The following CATSPERD variants were observed in gnomAD, a reference collection of about 807,000 sequenced individuals.
CATSPERD encodes the protein cation channel sperm-associated auxiliary subunit delta.
Under a neutral mutation model 98.1 loss-of-function variants are expected in CATSPERD, and 86 were observed. That is an observed-to-expected ratio of 0.88 (90% CI 0.74 to 1.05). The LOEUF (loss-of-function observed/expected upper bound fraction) is 1.05. Ranked by LOEUF, CATSPERD falls within the 50% of genes least tolerant of loss-of-function variation. The pLI is 0.00. For missense variants in CATSPERD, 995 were observed against 1,005.7 expected (o/e 0.99, Z 0.14); for synonymous variants, 394 against 390.2 (o/e 1.01, Z -0.12).
At position 5,727,174 on chromosome 19, in the gene CATSPERD, A is replaced by G; in HGVS notation, c.127-94A>G. ...TGTGCAACTGCACTCCAGCCTGGGC[A>G]ACAGAGCGAGACTCTTGTCTCAAAA... On this transcript the variant is annotated intron_variant, in intron 2 of 21. Transcript: ENST00000381624. The G allele has an allele frequency of 1.5e-5, 14 of 920,684 alleles. No individual in the cohort carries two copies. In the South Asian group the frequency reaches 2.0e-4, roughly 13 times the overall value. The allele number at this position is 920,684 out of a possible 1,614,324, so 57.0% of individuals were successfully genotyped here. A position where few individuals can be genotyped will look rare whatever the true frequency, so the allele number is the denominator to read the frequency against.
intron 17 of CATSPERD, among the ~76,000 whole-genome samples, chr19:5,766,590 T>A (rs1025670588): frequency 1.3e-5 from 2 of 152,110 alleles, no homozygotes; most frequent in African/African-American, 4.8e-5. Context: ...TTTAGTTTTG[T>A]ATATATTTAC....
intron 20 of CATSPERD, 45 bp downstream of exon 20, chr19:5,773,010 C>G (rs2056679240): frequency 6.3e-7 from 1 of 1,593,118 alleles, no homozygotes. Flanking sequence ...AGCAGCCCAC[C>G]AGGGGGTGGG....
chr19:5,723,816 G>C (rs1568337091), intron 1 of CATSPERD, among the ~76,000 whole-genome samples: 1 of 147,802 alleles, frequency 6.8e-6, no homozygotes, highest in Non-Finnish European at 1.5e-5. Flanking sequence ...CACTCTTGTT[G>C]CCCGGGCTGG....
chr19:5,764,905 G>T (rs1282334586), intron 16 of CATSPERD, among the ~76,000 whole-genome samples: 1 of 152,050 alleles, frequency 6.6e-6, no homozygotes, highest in Non-Finnish European at 1.5e-5. Context: ...GTGAGCCACA[G>T]CACCTGGCTG....
At chr19:5,731,662 G>A (rs1247066955) in intron 4 of CATSPERD, among the ~76,000 whole-genome samples, 1 of 124,218 alleles carries the variant, frequency 8.1e-6, no homozygotes, top group Non-Finnish European at 1.6e-5. Context: ...TGCAAGCTCC[G>A]CTTCCCGGGT....
intron 4 of CATSPERD, among the ~76,000 whole-genome samples, chr19:5,731,940 G>T (rs1023205496): frequency 2.6e-5 from 4 of 151,626 alleles, no homozygotes; most frequent in African/African-American, 9.7e-5. Context: ...AGAAGGTTTT[G>T]TTTTGTTTTG....
At position 5,754,562 on chromosome 19, in the gene CATSPERD, C is replaced by A. The variant is rs557066192; in HGVS notation, c.1278+317C>A. Among the ~76,000 whole-genome samples, 29 of 151,936 alleles carry A rather than the reference C, an allele frequency of 1.9e-4. No individual in the cohort carries two copies. The South Asian group carries it at 5.4e-3, about 28-fold the overall frequency. ...TACCAGCATGTGCCACCACGCCTGGCTAATTTTGTATTTTTAGTGGAGACG... is the reference window on the plus strand; with the variant it reads ...TACCAGCATGTGCCACCACGCCTGGATAATTTTGTATTTTTAGTGGAGACG... On this transcript the variant is annotated intron_variant, in intron 13 of 21. Transcript: ENST00000381624.
intron 20 of CATSPERD, among the ~76,000 whole-genome samples, chr19:5,775,523 C>A (rs140505397): frequency 6.6e-6 from 1 of 150,574 alleles, no homozygotes; most frequent in South Asian, 2.1e-4. Context: ...GTGGCGGGCA[C>A]CTGTAGTCCC....
Position 5,729,764 on chromosome 19 carries a change from T to C in CATSPERD, c.204-108T>C, listed in dbSNP as rs978372984. 4.6e-6 allele frequency: 3 copies of C among 647,032 alleles called. No individual in the cohort carries two copies. In the African/African-American group the frequency reaches 5.5e-5, roughly 12 times the overall value. The allele number at this position is 647,032 out of a possible 1,614,324, so 40.1% of individuals were successfully genotyped here. The stretch of plus-strand genomic sequence containing the variant: ...AAATTATATCTAAATGACTCCTGGT[T>C]ACAATACAAATTTTGTTTGAATGGA... On this transcript the variant is annotated intron_variant, in intron 3 of 21. Coordinates refer to ENST00000381624, the MANE Select transcript of CATSPERD (RefSeq NM_152784.4).
chr19:5,775,280 C>T (rs1423844178), intron 20 of CATSPERD: 1 of 471,270 alleles, frequency 2.1e-6, no homozygotes, highest in Admixed American at 2.4e-5. Flanking sequence ...AAGAGAGCTC[C>T]CCGCTTCTAG....
intron 19 of CATSPERD, 72 bp downstream of exon 19, chr19:5,771,144 A>C: frequency 6.6e-7 from 1 of 1,512,758 alleles, no homozygotes; most frequent in Non-Finnish European, 8.9e-7. Context: ...CTGGGGTACC[A>C]GCCTGGCCCT....
At chr19:5,770,797 T>C in intron 18 of CATSPERD, 147 bp from the exon 19 acceptor site, 2 of 909,186 alleles carry the variant, frequency 2.2e-6, no homozygotes, top group Non-Finnish European at 3.4e-6. Flanking sequence ...ATCTGGTCCA[T>C]GGCTCTCAAT....
intron 1 of CATSPERD, among the ~76,000 whole-genome samples, chr19:5,721,177 A>G (rs1294491546): frequency 6.7e-6 from 1 of 149,674 alleles, no homozygotes; most frequent in African/African-American, 2.5e-5. Context: ...TTTTTTTTGT[A>G]TTTTTAGTAA....
At chr19:5,773,873 G>A (rs2056693717) in intron 20 of CATSPERD, among the ~76,000 whole-genome samples, 2 of 151,724 alleles carry the variant, frequency 1.3e-5, no homozygotes, top group African/African-American at 2.4e-5. Flanking sequence ...ATCAGTCCAC[G>A]TGTATCTTCC....
intron 20 of CATSPERD, among the ~76,000 whole-genome samples, chr19:5,774,789 G>T (rs2056711282): frequency 2.0e-5 from 3 of 152,144 alleles, no homozygotes; most frequent in Non-Finnish European, 4.4e-5. Context: ...GGCCGAGGTG[G>T]ATGGATCACT....
At chr19:5,775,699 G>A (rs2144701483) in intron 20 of CATSPERD, among the ~76,000 whole-genome samples, 1 of 151,358 alleles carries the variant, frequency 6.6e-6, no homozygotes, top group East Asian at 1.9e-4. Flanking sequence ...GAGCAGGGAG[G>A]AGCAGGTAAC....
chr19:5,771,050 C>G lies in CATSPERD; in HGVS notation c.1741C>G (p.Leu581Val). Residue 581 changes from leucine (L) to valine (V), a missense_variant, in exon 19 of 22, where the codon CTA (leucine) becomes GTA (valine). Coordinates refer to ENST00000381624, the MANE Select transcript of CATSPERD (RefSeq NM_152784.4). ...GCPLLVYYDT[L>V]WKPVVELWRK... ...TCCTCTCCTCGTCTACTATGACACC[C>G]TATGGAAGCCCGTGGTGGAGCTGTA... 6.2e-7 allele frequency: 1 copy of G among 1,613,882 alleles called. No individual in the cohort carries two copies. The highest frequency in any genetic ancestry group is 8.5e-7 in the Non-Finnish European group (1 of 1,179,888).
intron 20 of CATSPERD, among the ~76,000 whole-genome samples, chr19:5,773,180 C>T (rs909965271): frequency 3.9e-5 from 6 of 152,096 alleles, no homozygotes; most frequent in African/African-American, 1.2e-4. Flanking sequence ...GGCAAAAGCC[C>T]GTCTCTACTA....
chr19:5,754,331 T>C, intron 13 of CATSPERD, 86 bp downstream of exon 13: 1 of 776,906 alleles, frequency 1.3e-6, no homozygotes. Flanking sequence ...TCCCCTGGCA[T>C]CCCCCACAAG....
Sources: allele counts gnomAD v4.1 joint callset (sites outside exome capture counted in the v4.1 genomes callset), GRCh38; gene constraint gnomAD v4.1.1; transcripts MANE v1.5; gene names NCBI Gene and HGNC (gene_info 2026-07-23, HGNC 2026-07-21).